Variants in GABPB1 observed in about 807,000 individuals in gnomAD.
GABPB1 encodes GA-binding protein subunit beta-1.
Under a neutral mutation model 45.9 loss-of-function variants are expected in GABPB1, and 15 were observed. That is an observed-to-expected ratio of 0.33 (90% confidence interval 0.22 to 0.50). The LOEUF (loss-of-function observed/expected upper bound fraction) is 0.50. Among genes scored for constraint, GABPB1 ranks in the 20% least tolerant of loss-of-function variants. The pLI is 0.98. For synonymous variants in GABPB1, 143 were observed against 154.4 expected (o/e 0.93, Z 0.55); for missense variants, 252 against 457.5 (o/e 0.55, Z 4.10).
At chr15:50,280,316 C>G (rs1298950634) in intron 8 of GABPB1, among the ~76,000 whole-genome samples, 1 of 152,134 alleles carries the variant, frequency 6.6e-6, no homozygotes, top group Non-Finnish European at 1.5e-5. Context: ...GGTAAGCAAT[C>G]AATGCCAGTA....
At chr15:50,337,537 G>A (rs2048193528) in intron 1 of GABPB1, among the ~76,000 whole-genome samples, 1 of 152,076 alleles carries the variant, frequency 6.6e-6, no homozygotes, top group South Asian at 2.1e-4. Flanking sequence ...GCTGAGGCAA[G>A]CAGATCACTT....
At chr15:50,286,257 T>C in intron 7 of GABPB1, 74 bp from the exon 8 acceptor site, 1 of 1,011,202 alleles carries the variant, frequency 9.9e-7, no homozygotes, top group African/African-American at 1.7e-5. Context: ...GTCTTGACAT[T>C]GTTGATGCTA....
intron 1 of GABPB1, among the ~76,000 whole-genome samples, chr15:50,345,812 C>T (rs769142119): frequency 6.6e-6 from 1 of 151,864 alleles, no homozygotes; most frequent in Non-Finnish European, 1.5e-5. Flanking sequence ...CCCGGGTACA[C>T]GCCATTCTCC....
chr15:50,343,207 C>T (rs191498028), intron 1 of GABPB1, among the ~76,000 whole-genome samples: 200 of 152,018 alleles, frequency 1.3e-3, no homozygotes, highest in Middle Eastern at 3.4e-3. Flanking sequence ...CAGGACTTAA[C>T]ATTTGAAGCA....
intron 1 of GABPB1, among the ~76,000 whole-genome samples, chr15:50,325,211 G>A (rs967168868): frequency 1.3e-5 from 2 of 151,710 alleles, no homozygotes; most frequent in African/African-American, 4.8e-5. Context: ...CCCATGGTAA[G>A]TGGGCCTAGA....
At chr15:50,281,414 T>C (rs1055142864) in intron 8 of GABPB1, among the ~76,000 whole-genome samples, 2 of 152,130 alleles carry the variant, frequency 1.3e-5, no homozygotes, top group Non-Finnish European at 1.5e-5. Flanking sequence ...GGTTTCACCA[T>C]GTTAGCCAGG....
At chr15:50,284,390 A>G (rs2046089133) in intron 8 of GABPB1, among the ~76,000 whole-genome samples, 1 of 152,174 alleles carries the variant, frequency 6.6e-6, no homozygotes, top group Admixed American at 6.5e-5. Flanking sequence ...AGAAAGCTCT[A>G]ATTACTAAAA....
chr15:50,280,701 C>T (rs949880325), intron 8 of GABPB1, among the ~76,000 whole-genome samples: 12 of 151,736 alleles, frequency 7.9e-5, no homozygotes, highest in Non-Finnish European at 1.6e-4. Context: ...AGCAACTCCA[C>T]CGCACTCCAG....
chr15:50,310,115 C>A (rs564493044), intron 1 of GABPB1, among the ~76,000 whole-genome samples: 1 of 152,278 alleles, frequency 6.6e-6, no homozygotes, highest in African/African-American at 2.4e-5. Context: ...TTTCTTGACA[C>A]AGAGTCTCGG....
intron 1 of GABPB1, among the ~76,000 whole-genome samples, chr15:50,333,382 G>A (rs1202275358): frequency 1.3e-5 from 2 of 152,180 alleles, no homozygotes; most frequent in Non-Finnish European, 1.5e-5. Context: ...AGGATTGCCT[G>A]AGTGATCACA....
intron 1 of GABPB1, among the ~76,000 whole-genome samples, chr15:50,324,540 CTTTT>C (rs575280667): frequency 2.0e-4 from 23 of 114,210 alleles, no homozygotes; most frequent in Non-Finnish European, 3.1e-4. Context: ...GTCTCCGTGG[CTTTT>C]TTTTTTTTTT....
chr15:50,309,106 G>A (rs975080486), intron 2 of GABPB1, among the ~76,000 whole-genome samples: 1 of 152,026 alleles, frequency 6.6e-6, no homozygotes, highest in Non-Finnish European at 1.5e-5. Context: ...TGTTACCAAT[G>A]GGCAGGTTAA....
rs762394254 is a variant in GABPB1 at position 50,300,778 on chromosome 15, G to A, written c.697+11C>T. ...CAATTTTAATGTACACATTAGACTC[G>A]TTTTTCTAACCTGGAGTTTCTGAAG... On this transcript the variant is annotated intron_variant, in intron 6 of 8. Coordinates refer to ENST00000380877, the MANE Select transcript of GABPB1 (RefSeq NM_016654.5). 31 of 1,557,320 alleles carry A rather than the reference G, an allele frequency of 2.0e-5. No homozygotes were observed. The highest frequency in any genetic ancestry group is 1.5e-4 in the African/African-American group (11 of 73,690).
Position 50,276,119 on chromosome 15 carries a change from T to A in GABPB1, c.*2513A>T, listed in dbSNP as rs563771466. On this transcript the variant is annotated 3_prime_UTR_variant, in exon 9 of 9. Transcript: ENST00000380877. ...GTTGCTCCAGGTGTTTGTTCACACA[T>A]ATGTGGAAACAATTAACCAGTGATG... 2 of 152,362 alleles carry A rather than the reference T, an allele frequency of 1.3e-5. No homozygotes were observed. The highest frequency in any genetic ancestry group is 3.9e-4 in the East Asian group (2 of 5,192). 9.4% of individuals were successfully genotyped at this position (152,362 alleles called of 1,614,324 possible). A position where few individuals can be genotyped will look rare whatever the true frequency, so the allele number is the denominator to read the frequency against.
intron 1 of GABPB1, among the ~76,000 whole-genome samples, chr15:50,343,013 C>A (rs1360688252): frequency 6.6e-6 from 1 of 152,118 alleles, no homozygotes; most frequent in Non-Finnish European, 1.5e-5. Flanking sequence ...CATTCTCCTG[C>A]CTCAGCGTCC....
intron 1 of GABPB1, among the ~76,000 whole-genome samples, chr15:50,341,037 C>T (rs149751082): frequency 5.0e-4 from 75 of 150,776 alleles, no homozygotes; most frequent in African/African-American, 1.7e-3. Context: ...TGGTTTATTA[C>T]ATACTCCTCT....
intron 1 of GABPB1, among the ~76,000 whole-genome samples, chr15:50,317,343 G>T (rs920998962): frequency 1.3e-5 from 2 of 150,048 alleles, no homozygotes; most frequent in East Asian, 4.0e-4. Context: ...GGCAGAGGTT[G>T]CAGTGAGCCG....
chr15:50,298,483 CA>C (rs1595755770), intron 6 of GABPB1, among the ~76,000 whole-genome samples: 1 of 152,184 alleles, frequency 6.6e-6, no homozygotes, highest in South Asian at 2.1e-4. Flanking sequence ...TCTGCAATTA[CA>C]TAAGTATTAA....
intron 1 of GABPB1, among the ~76,000 whole-genome samples, chr15:50,345,753 C>G (rs964182164): frequency 4.6e-5 from 7 of 151,876 alleles, no homozygotes; most frequent in Non-Finnish European, 1.0e-4. Context: ...GCTCTGTCGC[C>G]TAGTCTGGAG....
Sources: allele counts gnomAD v4.1 joint callset (sites outside exome capture counted in the v4.1 genomes callset), GRCh38; gene constraint gnomAD v4.1.1; transcripts MANE v1.5; gene names NCBI Gene and HGNC (gene_info 2026-07-23, HGNC 2026-07-21).